Variants in KRTAP4-9 observed in about 807,000 individuals in gnomAD.
KRTAP4-9 encodes the protein keratin-associated protein 4-9.
Under a neutral mutation model 4.3 loss-of-function variants are expected in KRTAP4-9, and 4 were observed. That is an observed-to-expected ratio of 0.94 (90% confidence interval 0.46 to 2.15). KRTAP4-9 has a LOEUF of 2.15. Among genes scored for constraint, KRTAP4-9 ranks in the 30% most tolerant of loss-of-function variants. KRTAP4-9 has a pLI of 0.02. For missense variants in KRTAP4-9, 297 were observed against 278.5 expected, an observed-to-expected ratio of 1.07 and a Z score of -0.47; for synonymous variants, 111 against 99.2, an observed-to-expected ratio of 1.12 and a Z score of -0.70.
At chr17:41,106,058 G>T (rs185478159) in exon 1 of KRTAP4-9, 4 of 1,540,914 alleles carry the variant, frequency 2.6e-6, no homozygotes, top group Admixed American at 3.9e-5. Flanking sequence ...TTCACCACTG[G>T]CCCACAGATG....
exon 1 of KRTAP4-9, chr17:41,105,389 A>G (rs1209459912): frequency 1.9e-6 from 3 of 1,588,830 alleles, no homozygotes; most frequent in East Asian, 2.2e-5. Context: ...TTCTGACACC[A>G]TGGTCAGCTC....
Position 41,106,271 on chromosome 17 carries a change from T to G in KRTAP4-9, c.*250T>G, listed in dbSNP as rs1264286823. ...GTGAATTAATTTGTAATCCACTAGC[T>G]AGAAATTATTCCAATCCTCTAATTT... On this transcript the variant is annotated 3_prime_UTR_variant, in exon 1 of 1. Coordinates refer to ENST00000391415, the Ensembl canonical transcript of KRTAP4-9. 4.5e-6 allele frequency: 3 copies of G among 666,778 alleles called. No homozygotes were observed. In the African/African-American group the frequency reaches 5.5e-5, roughly 12 times the overall value. The allele number at this position is 666,778 out of a possible 1,614,324, so 41.3% of individuals were successfully genotyped here. A position where few individuals can be genotyped will look rare whatever the true frequency, so the allele number is the denominator to read the frequency against.
Position 41,105,771 on chromosome 17 carries a change from G to C in KRTAP4-9, c.383G>C (p.Ser128Thr). 1 of 1,602,570 alleles carries C rather than the reference G, an allele frequency of 6.2e-7. No individual in the cohort carries two copies. The change falls in exon 1 of 1, where the codon AGC (serine) becomes ACC (threonine). Residue 128 changes from serine to threonine, a missense_variant. Coordinates refer to ENST00000391415, the Ensembl canonical transcript of KRTAP4-9. ...TGCATCTCCAGCTGCTGTCGCCCCAGCTGCTGTGTGTCCAGCTGCTGCAAG... is the reference window on the plus strand; with the variant it reads ...TGCATCTCCAGCTGCTGTCGCCCCACCTGCTGTGTGTCCAGCTGCTGCAAG...
At chr17:41,105,842 C>T (rs762874722) in exon 1 of KRTAP4-9, 3 of 1,609,642 alleles carry the variant, frequency 1.9e-6, no homozygotes, top group South Asian at 1.1e-5. Context: ...CTGCTGCCGC[C>T]CCAGCTGCAG....
At chr17:41,105,396 G>C in exon 1 of KRTAP4-9, 1 of 1,597,196 alleles carries the variant, frequency 6.3e-7, no homozygotes, top group Non-Finnish European at 8.5e-7. Context: ...ACCATGGTCA[G>C]CTCCTGTTGT....
At chr17:41,106,136 ACT>A in exon 1 of KRTAP4-9, 1 of 1,441,480 alleles carries the variant, frequency 6.9e-7, no homozygotes, top group South Asian at 1.5e-5. Context: ...ATAGAATGGA[ACT>A]CATGTTTCCA....
chr17:41,106,291 T>C, exon 1 of KRTAP4-9: 1 of 616,180 alleles, frequency 1.6e-6, no homozygotes, highest in South Asian at 2.7e-5. Context: ...TCCAATCCTC[T>C]AATTTCCTCA....
At chr17:41,106,011 C>T in exon 1 of KRTAP4-9, 1 of 1,584,330 alleles carries the variant, frequency 6.3e-7, no homozygotes, top group Non-Finnish European at 8.6e-7. Flanking sequence ...TGTGCCTCCT[C>T]TTGCTGCTGA....
At chr17:41,106,211 C>T (rs1341400499) in exon 1 of KRTAP4-9, 6 of 1,094,256 alleles carry the variant, frequency 5.5e-6, no homozygotes, top group African/African-American at 1.6e-5. Context: ...AACTCCCTCC[C>T]TTGCTTTCTT....
chr17:41,106,126 A>G, exon 1 of KRTAP4-9: 4 of 1,456,114 alleles, frequency 2.7e-6, no homozygotes, highest in South Asian at 1.4e-5. Context: ...ATGTCATTCA[A>G]TAGAATGGAA....
exon 1 of KRTAP4-9, chr17:41,106,109 G>A: frequency 6.8e-7 from 1 of 1,473,136 alleles, no homozygotes; most frequent in Non-Finnish European, 9.0e-7. Flanking sequence ...TACAGGAAGT[G>A]GGGTTGATGT....
exon 1 of KRTAP4-9, chr17:41,106,294 T>A: frequency 5.0e-6 from 3 of 603,690 alleles, no homozygotes; most frequent in Non-Finnish European, 8.5e-6. Flanking sequence ...AATCCTCTAA[T>A]TTCCTCATTT....
Position 41,105,601 on chromosome 17 carries a change from G to T in KRTAP4-9, c.213G>T (p.Gln71His), listed in dbSNP as rs1191620853. The T allele has an allele frequency of 3.2e-6, 5 of 1,566,142 alleles. 1 individual carries two copies. Among genetic ancestry groups the T allele is most frequent in the Middle Eastern group, 1.7e-4 (1 of 5,800 alleles). Residue 71 changes from glutamine (Q) to histidine (H), a missense_variant, in exon 1 of 1, where the codon CAG becomes CAT. Physicochemically the swap from Gln to His is conservative, Grantham distance 24 (BLOSUM62 0). Transcript: ENST00000391415. ...CTTGTTCCCGCCCCAGCTGCTGTCA[G>T]ACCACCTGTTGCAGGACCACCTGCT...
chr17:41,106,398 G>T (rs543641389), exon 1 of KRTAP4-9: 103 of 313,398 alleles, frequency 3.3e-4, no homozygotes, highest in Middle Eastern at 2.0e-3. Flanking sequence ...CTCAGATCCA[G>T]CCGCCCAGTT....
rs202094582 is a variant in KRTAP4-9 at position 41,105,433 on chromosome 17, C to G, written c.45C>G (p.Cys15Trp). ...GCTCCGTGTGCTCTGACCAGGGCTGCGGCCAAGACCTCTGTCAGGAGACCT... is the reference window on the plus strand; with the variant it reads ...GCTCCGTGTGCTCTGACCAGGGCTGGGGCCAAGACCTCTGTCAGGAGACCT... The change falls in exon 1 of 1, where the codon TGC becomes TGG. Residue 15 changes from cysteine (C) to tryptophan (W), a missense_variant. Cys to Trp is a radical substitution (Grantham distance 215). Coordinates refer to ENST00000391415, the Ensembl canonical transcript of KRTAP4-9. 1,234 of 1,612,762 alleles carry G rather than the reference C, an allele frequency of 7.7e-4. 14 individuals are homozygous for G. The highest frequency in any genetic ancestry group is 3.2e-4 in the Admixed American group (19 of 59,916).
At chr17:41,105,990 G>T (rs1231970295) in exon 1 of KRTAP4-9, 8 of 1,591,828 alleles carry the variant, frequency 5.0e-6, no homozygotes, top group Non-Finnish European at 6.0e-6. Flanking sequence ...AGCTGCCCCC[G>T]CCCCTTGTGC....
exon 1 of KRTAP4-9, chr17:41,105,736 C>T (rs1415296397): frequency 6.2e-7 from 1 of 1,600,902 alleles, no homozygotes; most frequent in East Asian, 2.2e-5. Context: ...CCTGCTGCCA[C>T]CCTAGGTGCT....
In KRTAP4-9 at chr17:41,106,150, T is replaced by A. The variant is rs180827867; in HGVS notation, c.*129T>A. 1.4e-4 allele frequency: 204 copies of A among 1,408,746 alleles called. 1 individual carries two copies. In the Admixed American group the frequency reaches 1.8e-3, roughly 12 times the overall value. The allele number at this position is 1,408,746 out of a possible 1,614,324, so 87.3% of individuals were successfully genotyped here. A position where few individuals can be genotyped will look rare whatever the true frequency, so the allele number is the denominator to read the frequency against. On this transcript the variant is annotated 3_prime_UTR_variant, in exon 1 of 1. Coordinates refer to ENST00000391415, the Ensembl canonical transcript of KRTAP4-9. Reference sequence around the variant, plus strand: ...AATAGAATGGAACTCATGTTTCCAATGAGCCCATCACCATTTCACTGACTC... The same window carrying A: ...AATAGAATGGAACTCATGTTTCCAAAGAGCCCATCACCATTTCACTGACTC...
At chr17:41,105,499 C>T in exon 1 of KRTAP4-9, 2 of 1,566,642 alleles carry the variant, frequency 1.3e-6, no homozygotes, top group Non-Finnish European at 1.7e-6. Context: ...GCTGCAGGAC[C>T]ACCTGCTGCC....
Sources: gnomAD v4.1 joint callset for allele counts on GRCh38, gnomAD v4.1.1 for gene constraint, MANE v1.5 for transcripts, NCBI Gene and HGNC (gene_info 2026-07-23, HGNC 2026-07-21) for gene names.